Variants in PGR observed in about 807,000 individuals in gnomAD.
The protein encoded by PGR is progesterone receptor, also known as nuclear receptor subfamily 3 group C member 3.
A neutral mutation model predicts 76.1 loss-of-function variants in PGR; 25 were observed. The ratio of observed to expected loss-of-function variants is 0.33; its 90% CI spans 0.24 to 0.46. The LOEUF (loss-of-function observed/expected upper bound fraction) is 0.46, where lower values mean the gene tolerates loss of function less well. PGR is among the 20% of genes least tolerant of loss of function. PGR has a pLI of 1.00. For missense variants in PGR, 1,172 were observed against 1,225.3 expected (o/e 0.96, Z 0.65); for synonymous variants, 579 against 535.0 (o/e 1.08, Z -1.14).
rs747957025 is a variant in PGR, at chr11:101,127,732, A to C, written c.1339T>G (p.Ser447Ala). 8 of 1,585,636 alleles carry C rather than the reference A, an allele frequency of 5.0e-6. No individual in the cohort carries two copies. In the South Asian group the frequency reaches 7.9e-5, roughly 16 times the overall value. The stretch of plus-strand genomic sequence containing the variant: ...CCCGAGGAGGACGCAGACGAGACTG[A>C]GGCACTGGCGGGTGCGGCCGTCACC... Reference protein sequence around the residue: ...AAVTAAPASASVSSASSSGST... With the variant: ...AAVTAAPASAAVSSASSSGST... Residue 447 changes from serine to alanine, a missense_variant, in exon 1 of 8, where the codon TCA (serine) becomes GCA (alanine). By Grantham distance (99) the Ser-to-Ala change is moderately conservative (BLOSUM62 1). Transcript: ENST00000325455.
rs1859311425 is a variant in PGR at position 101,030,370 on chromosome 11, G to A, written c.*8746C>T. 4.4e-6 allele frequency: 1 copy of A among 227,808 alleles called. No homozygotes were observed. Among genetic ancestry groups the A allele is most frequent in the East Asian group, 6.3e-5 (1 of 15,846 alleles). 14.1% of individuals were successfully genotyped at this position (227,808 alleles called of 1,614,324 possible). ...AACATTACATAGAAAATAAGTATGT[G>A]ATGATATCGTTAAAATACATGATCA... On this transcript the variant is annotated 3_prime_UTR_variant, in exon 8 of 8. Transcript: ENST00000325455.
At chr11:101,047,221 T>G (rs1461413106) in intron 6 of PGR, among the ~76,000 whole-genome samples, 1 of 152,178 alleles carries the variant, frequency 6.6e-6, no homozygotes, top group Non-Finnish European at 1.5e-5. Context: ...CCCTGTTGAT[T>G]AATTCCATTG....
chr11:101,124,297 A>G (rs1462581605), intron 2 of PGR, among the ~76,000 whole-genome samples: 1 of 152,152 alleles, frequency 6.6e-6, no homozygotes, highest in African/African-American at 2.4e-5. Context: ...ACGAGAAAGC[A>G]TTTGTATTTT....
chr11:101,081,322 G>C (rs538258169), intron 3 of PGR, among the ~76,000 whole-genome samples: 2 of 152,084 alleles, frequency 1.3e-5, no homozygotes, highest in South Asian at 4.2e-4. Context: ...CCAGCTACTC[G>C]GGAGGTTGAG....
At chr11:101,058,429 C>T (rs944179384) in intron 4 of PGR, among the ~76,000 whole-genome samples, 1 of 152,132 alleles carries the variant, frequency 6.6e-6, no homozygotes, top group African/African-American at 2.4e-5. Flanking sequence ...GATGCAATGA[C>T]TCACTGACTC....
intron 2 of PGR, among the ~76,000 whole-genome samples, chr11:101,103,734 A>G (rs1052662568): frequency 5.9e-5 from 9 of 152,232 alleles, no homozygotes; most frequent in Non-Finnish European, 1.3e-4. Context: ...TTAAATGCAT[A>G]TAGGGTGTTT....
intron 2 of PGR, among the ~76,000 whole-genome samples, chr11:101,120,458 A>C (rs569909106): frequency 6.6e-6 from 1 of 152,348 alleles, no homozygotes; most frequent in South Asian, 2.1e-4. Context: ...AGAAATGTAC[A>C]AAAAGGGTTT....
intron 4 of PGR, among the ~76,000 whole-genome samples, chr11:101,053,017 T>G (rs1173794507): frequency 6.6e-6 from 1 of 152,258 alleles, no homozygotes; most frequent in East Asian, 1.9e-4. Context: ...CTAAAAATAT[T>G]AATATAAATT....
At chr11:101,105,243 C>CTTATATTT (rs1565361011) in intron 2 of PGR, among the ~76,000 whole-genome samples, 2 of 151,900 alleles carry the variant, frequency 1.3e-5, no homozygotes, top group Admixed American at 1.3e-4. Context: ...GAGCAGACGG[C>CTTATATTT]TAACATGATC....
intron 1 of PGR, chr11:101,126,979 C>G (rs1862857670): frequency 1.3e-5 from 2 of 152,576 alleles, no homozygotes; most frequent in Non-Finnish European, 2.9e-5. Context: ...CCCGGGGGAA[C>G]GGTGCCTTAA....
At chr11:101,074,795 G>A (rs566253768) in intron 3 of PGR, among the ~76,000 whole-genome samples, 1 of 152,166 alleles carries the variant, frequency 6.6e-6, no homozygotes, top group South Asian at 2.1e-4. Flanking sequence ...CCTTCAAGGA[G>A]AACTACAAAT....
At chr11:101,110,340 G>A (rs1328930084) in intron 2 of PGR, among the ~76,000 whole-genome samples, 4 of 152,204 alleles carry the variant, frequency 2.6e-5, no homozygotes, top group African/African-American at 9.6e-5. Flanking sequence ...GTTAATCGGA[G>A]AAAGTCAAAG....
chr11:101,092,995 G>A (rs1034261377), intron 2 of PGR, among the ~76,000 whole-genome samples: 14 of 152,146 alleles, frequency 9.2e-5, no homozygotes, highest in Non-Finnish European at 1.8e-4. Context: ...TCAAGCAGGG[G>A]AAAGGATTAG....
chr11:101,040,430 T>G (rs1388524367), intron 7 of PGR, among the ~76,000 whole-genome samples: 1 of 152,080 alleles, frequency 6.6e-6, no homozygotes, highest in Non-Finnish European at 1.5e-5. Flanking sequence ...TAGCAGTTCT[T>G]GAGAAAGTTG....
At chr11:101,067,243 T>C (rs1389302002) in intron 3 of PGR, among the ~76,000 whole-genome samples, 1 of 152,206 alleles carries the variant, frequency 6.6e-6, no homozygotes, top group East Asian at 1.9e-4. Context: ...CATATCGCCT[T>C]ATCAGATAGC....
Position 101,030,832 on chromosome 11 carries a change from C to T in PGR, c.*8284G>A, listed in dbSNP as rs1859327747. ...GATGAGAACTCATTCTAAAACCTGA[C>T]AGAAGCCTCCAGCACATAGCAAGAG... On this transcript the variant is annotated 3_prime_UTR_variant, in exon 8 of 8. Coordinates refer to ENST00000325455, the MANE Select transcript of PGR (RefSeq NM_000926.4). 1 of 195,094 alleles carries T rather than the reference C, an allele frequency of 5.1e-6. No homozygotes were observed. Among genetic ancestry groups the T allele is most frequent in the Non-Finnish European group, 1.1e-5 (1 of 93,788 alleles). 12.1% of individuals were successfully genotyped at this position (195,094 alleles called of 1,614,324 possible). A position where few individuals can be genotyped will look rare whatever the true frequency, so the allele number is the denominator to read the frequency against.
intron 3 of PGR, among the ~76,000 whole-genome samples, chr11:101,072,828 T>C (rs968787736): frequency 6.6e-6 from 1 of 152,114 alleles, no homozygotes; most frequent in Non-Finnish European, 1.5e-5. Context: ...TAAAGCAAGT[T>C]CTTAGAGGCC....
At position 101,034,798 on chromosome 11, in the gene PGR, G is replaced by A. The variant is rs1321378109; in HGVS notation, c.*4318C>T. On this transcript the variant is annotated 3_prime_UTR_variant, in exon 8 of 8. Transcript: ENST00000325455. ...GCTTGGATTATATTTTATAATATGG[G>A]TGAAGAGTCAGTTGTTTTACTGCTT... is the stretch of plus-strand genomic sequence containing the variant. 1 of 177,580 alleles carries A rather than the reference G, an allele frequency of 5.6e-6. No individual in the cohort carries two copies. Among genetic ancestry groups the A allele is most frequent in the African/African-American group, 2.4e-5 (1 of 42,232 alleles). 11.0% of individuals were successfully genotyped at this position (177,580 alleles called of 1,614,324 possible).
At position 101,127,743 on chromosome 11, in the gene PGR, G is replaced by A; in HGVS notation, c.1328C>T (p.Pro443Leu). ...CGCAGACGAGACTGAGGCACTGGCGGGTGCGGCCGTCACCGCCGCTTCCCC... is the reference window on the plus strand; with the variant it reads ...CGCAGACGAGACTGAGGCACTGGCGAGTGCGGCCGTCACCGCCGCTTCCCC... ...RPGEAAVTAA[P>L]ASASVSSASS... Residue 443 changes from proline (P) to leucine (L), a missense_variant, in exon 1 of 8, where the codon CCC (proline) becomes CTC (leucine). Physicochemically the swap from Pro to Leu is moderately conservative, Grantham distance 98 (BLOSUM62 -3). Around this residue, in one of 4 missense-constraint regions of PGR, gnomAD observed 893 missense variants for 785.9 expected, o/e 1.14. Coordinates refer to ENST00000325455, the MANE Select transcript of PGR (RefSeq NM_000926.4). The A allele has an allele frequency of 6.4e-7, 1 of 1,560,922 alleles. No homozygotes were observed. Among genetic ancestry groups the A allele is most frequent in the Non-Finnish European group, 8.6e-7 (1 of 1,160,364 alleles).
Sources: allele counts gnomAD v4.1 joint callset (sites outside exome capture counted in the v4.1 genomes callset), GRCh38; gene constraint gnomAD v4.1.1; regional missense constraint gnomAD v4.1.1; transcripts MANE v1.5; gene names NCBI Gene and HGNC (gene_info 2026-07-23, HGNC 2026-07-21).